ESR1: variants seen among roughly 807,000 people sequenced by gnomAD.
The protein encoded by ESR1 is estrogen receptor 1, also known as estrogen receptor.
A neutral mutation model predicts 52.7 loss-of-function variants in ESR1; 12 were observed. That is an observed-to-expected ratio of 0.23 (90% CI 0.15 to 0.37). The LOEUF (loss-of-function observed/expected upper bound fraction) is 0.37, where lower values mean the gene tolerates loss of function less well. Among genes scored for constraint, ESR1 ranks in the 10% least tolerant of loss-of-function variants. The probability of loss-of-function intolerance (pLI) is 1.00; values close to 1 mark genes in which losing one functional copy is unlikely to be tolerated. For synonymous variants in ESR1, 305 were observed against 316.8 expected (o/e 0.96, Z 0.39); for missense variants, 584 against 779.7 (o/e 0.75, Z 2.99).
At chr6:151,949,641 TC>T (rs1232088310) in intron 4 of ESR1, among the ~76,000 whole-genome samples, 2 of 152,240 alleles carry the variant, frequency 1.3e-5, no homozygotes, top group Non-Finnish European at 2.9e-5. Flanking sequence ...TGGCAGCCCC[TC>T]TGGACTGGCA....
chr6:152,102,322 A>G lies in ESR1; in HGVS notation c.*3356A>G, dbSNP rs181593073. 4.8e-5 allele frequency: 10 copies of G among 208,338 alleles called. No homozygotes were observed. Among genetic ancestry groups the G allele is most frequent in the African/African-American group, 2.0e-4 (9 of 44,088 alleles). The allele number at this position is 208,338 out of a possible 1,614,324, so 12.9% of individuals were successfully genotyped here. On this transcript the variant is annotated 3_prime_UTR_variant, in exon 8 of 8. Coordinates refer to ENST00000206249, the MANE Select transcript of ESR1 (RefSeq NM_000125.4). Reference sequence around the variant, plus strand: ...CCCCTGCATGACACTGATTACAAATACTTTCCTATTCATACTTTCCAATTA... The same window carrying G: ...CCCCTGCATGACACTGATTACAAATGCTTTCCTATTCATACTTTCCAATTA...
chr6:151,729,263 A>G (rs542076445), intron 2 of ESR1, among the ~76,000 whole-genome samples: 2 of 152,286 alleles, frequency 1.3e-5, no homozygotes, highest in East Asian at 3.9e-4. Flanking sequence ...ACTAGAAAGC[A>G]GGCCCTCACC....
intron 2 of ESR1, among the ~76,000 whole-genome samples, chr6:151,768,175 A>G (rs749140788): frequency 6.6e-6 from 1 of 152,216 alleles, no homozygotes; most frequent in Admixed American, 6.5e-5. Context: ...AACTTTACAG[A>G]GAAGAAGAAA....
chr6:151,839,219 T>A (rs1783878159), intron 1 of ESR1, among the ~76,000 whole-genome samples: 1 of 152,134 alleles, frequency 6.6e-6, no homozygotes, highest in Non-Finnish European at 1.5e-5. Context: ...AGAACAGGGA[T>A]GTTGATTCAA....
rs550893985 is a variant in ESR1 at position 151,780,760 on chromosome 6, C to A, written c.-70-27083C>A. On this transcript the variant is annotated intron_variant, in intron 2 of 2. Transcript: ENST00000404742. ...TTGATTCTCCTCATTCTCAGGAGAG[C>A]ATTTGGTGTCAAAATCACAGCCCAA... Among the ~76,000 whole-genome samples the A allele has an allele frequency of 6.2e-4, 95 of 152,292 alleles. 1 individual carries two copies. Among genetic ancestry groups the A allele is most frequent in the African/African-American group, 2.2e-3 (91 of 41,582 alleles).
intron 3 of ESR1, among the ~76,000 whole-genome samples, chr6:151,884,800 C>T (rs181685572): frequency 4.9e-4 from 74 of 152,312 alleles, no homozygotes; most frequent in Middle Eastern, 6.8e-3. Flanking sequence ...CTTCATTTGT[C>T]TCCTTCCTCT....
At position 152,094,653 on chromosome 6, in the gene ESR1, G is replaced by T; in HGVS notation, c.1553+85G>T. Reference sequence around the variant, plus strand: ...TGTGACAGCTGGCCGGGAAGGACTGGTGCCTGCATATGGAGAGTGCACTTG... The same window carrying T: ...TGTGACAGCTGGCCGGGAAGGACTGTTGCCTGCATATGGAGAGTGCACTTG... On this transcript the variant is annotated intron_variant, in intron 7 of 7. Transcript: ENST00000206249. The surrounding 1 kb of genome is among the most constrained non-coding windows in gnomAD (Gnocchi z 4.6). 1.6e-6 allele frequency: 2 copies of T among 1,266,604 alleles called. No individual in the cohort carries two copies. The highest frequency in any genetic ancestry group is 2.2e-6 in the Non-Finnish European group (2 of 890,954). The allele number at this position is 1,266,604 out of a possible 1,614,324, so 78.5% of individuals were successfully genotyped here.
chr6:151,911,575 T>C (rs1423538691), intron 3 of ESR1, among the ~76,000 whole-genome samples: 5 of 152,196 alleles, frequency 3.3e-5, no homozygotes, highest in African/African-American at 1.2e-4. Context: ...GCAGTCTCAT[T>C]TTGTAACCTG....
intron 4 of ESR1, among the ~76,000 whole-genome samples, chr6:151,949,555 A>T (rs916261235): frequency 6.6e-6 from 1 of 152,200 alleles, no homozygotes; most frequent in African/African-American, 2.4e-5. Flanking sequence ...TAAGGACAAG[A>T]TTTGCCATTT....
At chr6:151,958,455 G>A (rs1338610889) in intron 4 of ESR1, among the ~76,000 whole-genome samples, 3 of 152,210 alleles carry the variant, frequency 2.0e-5, no homozygotes, top group Non-Finnish European at 2.9e-5. Context: ...GAGTGGCGGA[G>A]CTCTGGGCAG....
intron 2 of ESR1, among the ~76,000 whole-genome samples, chr6:151,712,441 A>G (rs1189373738): frequency 1.3e-5 from 2 of 152,136 alleles, no homozygotes; most frequent in South Asian, 2.1e-4. Flanking sequence ...CAGTGTGGCC[A>G]TTTTCATGAT....
At chr6:152,118,844 G>A (rs1370013947) in intron 6 of ESR1, among the ~76,000 whole-genome samples, 3 of 152,130 alleles carry the variant, frequency 2.0e-5, no homozygotes, top group African/African-American at 4.8e-5. Context: ...AGGACTCCCC[G>A]AGGGAGCTTG....
chr6:151,910,442 A>G (rs1379436649), intron 3 of ESR1, among the ~76,000 whole-genome samples: 1 of 152,142 alleles, frequency 6.6e-6, no homozygotes, highest in Admixed American at 6.5e-5. Context: ...TTCAACCATA[A>G]CTAGCACTCA....
intron 1 of ESR1, among the ~76,000 whole-genome samples, chr6:151,674,702 C>T (rs965077100): frequency 2.0e-5 from 3 of 152,156 alleles, no homozygotes; most frequent in Non-Finnish European, 4.4e-5. Flanking sequence ...TGTTTCCTGA[C>T]TTTTTAATGA....
At chr6:151,798,364 G>A (rs957550431) in intron 2 of ESR1, among the ~76,000 whole-genome samples, 1 of 152,082 alleles carries the variant, frequency 6.6e-6, no homozygotes, top group African/African-American at 2.4e-5. Flanking sequence ...AGAAGGGCAG[G>A]GTGAGAAAAG....
intron 2 of ESR1, among the ~76,000 whole-genome samples, chr6:151,754,702 T>G (rs1439690322): frequency 6.6e-6 from 1 of 152,186 alleles, no homozygotes; most frequent in East Asian, 1.9e-4. Flanking sequence ...TTTCTCAGTC[T>G]CCTCTGCTGG....
intron 1 of ESR1, among the ~76,000 whole-genome samples, chr6:151,820,638 G>T (rs1240255881): frequency 6.6e-6 from 1 of 152,188 alleles, no homozygotes; most frequent in Non-Finnish European, 1.5e-5. Flanking sequence ...GGATTTTTCT[G>T]TTGCTGATCA....
At chr6:151,809,847 A>G (rs2128161775) in intron 1 of ESR1, among the ~76,000 whole-genome samples, 1 of 152,306 alleles carries the variant, frequency 6.6e-6, no homozygotes, top group African/African-American at 2.4e-5. Context: ...TAAAACAGAG[A>G]AAAAGGATTT....
intron 2 of ESR1, among the ~76,000 whole-genome samples, chr6:151,738,228 A>T (rs1284068098): frequency 6.6e-6 from 1 of 152,006 alleles, no homozygotes; most frequent in Non-Finnish European, 1.5e-5. Context: ...ATTTTCCTGG[A>T]TTTTCCTGGA....
Sources: gnomAD v4.1 joint callset for allele counts (sites outside exome capture counted in the v4.1 genomes callset) on GRCh38, gnomAD v4.1.1 for gene constraint, Gnocchi (gnomAD v3.1) non-coding constraint, MANE v1.5 for transcripts, NCBI Gene and HGNC (gene_info 2026-07-23, HGNC 2026-07-21) for gene names.